The following PPT1 variants were observed in gnomAD, a reference collection of about 807,000 sequenced individuals.
The protein encoded by PPT1 is palmitoyl-protein thioesterase 1.
Under a neutral mutation model 44.0 loss-of-function variants are expected in PPT1, and 24 were observed. That is an observed-to-expected ratio of 0.54 (90% CI 0.39 to 0.77). The LOEUF (loss-of-function observed/expected upper bound fraction) is 0.77. Among genes scored for constraint, PPT1 ranks in the 30% least tolerant of loss-of-function variants. The pLI, the probability that PPT1 is intolerant of heterozygous loss-of-function variation, is 0.00. For synonymous variants in PPT1, 148 were observed against 140.2 expected, an observed-to-expected ratio of 1.06 and a Z score of -0.39; for missense variants, 341 against 378.8, an observed-to-expected ratio of 0.90 and a Z score of 0.83.
Position 40,073,943 on chromosome 1 carries a change from A to T in PPT1, c.*118T>A. 7.5e-7 allele frequency: 1 copy of T among 1,340,164 alleles called. No homozygotes were observed. Among genetic ancestry groups the T allele is most frequent in the Non-Finnish European group, 1.1e-6 (1 of 942,702 alleles). The allele number at this position is 1,340,164 out of a possible 1,614,324, so 83.0% of individuals were successfully genotyped here. On this transcript the variant is annotated 3_prime_UTR_variant, in exon 9 of 9. Coordinates refer to ENST00000642050, the MANE Select transcript of PPT1 (RefSeq NM_000310.4). ...CTTTCCAAGTAGGGCATGTTAGATG[A>T]TAGAAGGATTAGTTGCAAGCTGGAT...
chr1:40,088,841 G>A (rs1226656905), intron 5 of PPT1, among the ~76,000 whole-genome samples: 1 of 152,060 alleles, frequency 6.6e-6, no homozygotes, highest in African/African-American at 2.4e-5. Context: ...AAGGCTTTCT[G>A]TTTGTTTTTT....
At chr1:40,088,445 C>G (rs1029081951) in intron 5 of PPT1, among the ~76,000 whole-genome samples, 3 of 152,006 alleles carry the variant, frequency 2.0e-5, no homozygotes, top group Admixed American at 6.6e-5. Context: ...ATGCCCGGCC[C>G]ACAACTTCTA....
At chr1:40,096,277 T>G (rs1049296692) in intron 1 of PPT1, among the ~76,000 whole-genome samples, 2 of 152,244 alleles carry the variant, frequency 1.3e-5, no homozygotes, top group Non-Finnish European at 2.9e-5. Flanking sequence ...ATGTTTTACT[T>G]GTTAATTTCT....
chr1:40,079,231 A>T (rs538849987), intron 6 of PPT1, among the ~76,000 whole-genome samples: 2 of 151,960 alleles, frequency 1.3e-5, no homozygotes, highest in Non-Finnish European at 2.9e-5. Context: ...CATTTTCTCT[A>T]TCCAGTCTAC....
chr1:40,082,099 G>C (rs1388583191), intron 5 of PPT1: 1 of 152,200 alleles, frequency 6.6e-6, no homozygotes, highest in Admixed American at 6.6e-5. Context: ...AATGGGCACG[G>C]TTACCCCAAG....
downstream of PPT1, chr1:40,071,482 C>T: frequency 6.2e-7 from 1 of 1,613,694 alleles, no homozygotes; most frequent in Non-Finnish European, 8.5e-7. Context: ...AGTTCAAGAC[C>T]CTATGGAACG....
chr1:40,075,684 C>T (rs1648580210), intron 8 of PPT1, among the ~76,000 whole-genome samples: 1 of 151,870 alleles, frequency 6.6e-6, no homozygotes, highest in Admixed American at 6.6e-5. Context: ...ATCCTTAGGG[C>T]TGGGCGTGGT....
In PPT1 at chr1:40,073,778, T is replaced by G. The variant is rs537994138; in HGVS notation, c.*283A>C. The G allele has an allele frequency of 4.6e-6, 2 of 435,808 alleles. No homozygotes were observed. The highest frequency in any genetic ancestry group is 3.5e-5 in the Admixed American group (1 of 28,470). The allele number at this position is 435,808 out of a possible 1,614,324, so 27.0% of individuals were successfully genotyped here. ...TTGGGCCTGGGCACAGTTCTGGCAC[T>G]GATCTGGAACAGACTCCCTTTTCTA... On this transcript the variant is annotated 3_prime_UTR_variant, in exon 9 of 9. Transcript: ENST00000642050.
chr1:40,093,903 A>G (rs1209336885), intron 1 of PPT1: 1 of 622,964 alleles, frequency 1.6e-6, no homozygotes, highest in South Asian at 1.9e-5. Flanking sequence ...AAAAAAAAAA[A>G]ATCCATATAG....
chr1:40,092,804 C>G (rs1475278150), intron 1 of PPT1, among the ~76,000 whole-genome samples: 2 of 73,738 alleles, frequency 2.7e-5, no homozygotes, highest in Non-Finnish European at 6.3e-5. Flanking sequence ...GAAATGCAAA[C>G]CAAAACCACG....
chr1:40,075,477 C>CTTTTTTTTTTTT (rs5773686), intron 8 of PPT1, among the ~76,000 whole-genome samples: 1 of 144,702 alleles, frequency 6.9e-6, no homozygotes. Context: ...TTTCTCAAGC[C>CTTTTTTTTTTTT]TTTTTTTTTT....
Position 40,073,493 on chromosome 1 carries a change from TG to T in PPT1, c.*567del, listed in dbSNP as rs1224284790. 1 of 156,830 alleles carries T rather than the reference TG, an allele frequency of 6.4e-6. No homozygotes were observed. Among genetic ancestry groups the T allele is most frequent in the Non-Finnish European group, 1.4e-5 (1 of 70,894 alleles). 9.7% of individuals were successfully genotyped at this position (156,830 alleles called of 1,614,324 possible). A position where few individuals can be genotyped will look rare whatever the true frequency, so the allele number is the denominator to read the frequency against. On this transcript the variant is annotated 3_prime_UTR_variant, in exon 9 of 9. Transcript: ENST00000642050. ...AAAGTGGGTGCTGCAGAAGCAAGAC[TG>T]TAGGCCAGTGGGATTTGTCTAATAA...
rs1355083951 is a variant in PPT1, at chr1:40,089,526, T to C, written c.434-14A>G. 3 of 1,581,506 alleles carry C rather than the reference T, an allele frequency of 1.9e-6. No homozygotes were observed. Among genetic ancestry groups the C allele is most frequent in the Non-Finnish European group, 2.6e-6 (3 of 1,150,388 alleles). Reference sequence around the variant, plus strand: ...GTCCAAAAACACCTACAGTGGTAGATGACAAATATCCACTCCTTCAATAAT... The same window carrying C: ...GTCCAAAAACACCTACAGTGGTAGACGACAAATATCCACTCCTTCAATAAT... On this transcript the variant is annotated splice_polypyrimidine_tract_variant and intron_variant, in intron 4 of 8. Transcript: ENST00000642050.
At chr1:40,084,366 A>C (rs984441457) in intron 5 of PPT1, among the ~76,000 whole-genome samples, 6 of 152,218 alleles carry the variant, frequency 3.9e-5, no homozygotes, top group Admixed American at 1.3e-4. Flanking sequence ...ACGACAACAA[A>C]GGATTTAGAA....
At chr1:40,091,006 C>G in intron 4 of PPT1, among the ~76,000 whole-genome samples, 1 of 152,198 alleles carries the variant, frequency 6.6e-6, no homozygotes, top group East Asian at 1.9e-4. Flanking sequence ...AGGATACCAC[C>G]AAATCAGAGA....
chr1:40,081,728 T>C (rs1196290629), intron 5 of PPT1, among the ~76,000 whole-genome samples: 1 of 152,120 alleles, frequency 6.6e-6, no homozygotes, highest in African/African-American at 2.4e-5. Context: ...GTCTCGGGTA[T>C]GTCTTTATCG....
At chr1:40,087,792 A>G (rs975112612) in intron 5 of PPT1, among the ~76,000 whole-genome samples, 1 of 152,114 alleles carries the variant, frequency 6.6e-6, no homozygotes, top group Non-Finnish European at 1.5e-5. Flanking sequence ...AGCCACAGCC[A>G]ATCAAACCAG....
At position 40,076,834 on chromosome 1, in the gene PPT1, C is replaced by A; in HGVS notation, c.798+8G>T. 6.2e-7 allele frequency: 1 copy of A among 1,614,074 alleles called. No homozygotes were observed. The highest frequency in any genetic ancestry group is 8.5e-7 in the Non-Finnish European group (1 of 1,179,960). On this transcript the variant is annotated splice_region_variant and intron_variant, in intron 8 of 8. Transcript: ENST00000642050. ...CCAACCTCCCAAGATAGACTCCCTGCCAGTTACCTGTGTGTACAGGGAGGT... is the reference window on the plus strand; with the variant it reads ...CCAACCTCCCAAGATAGACTCCCTGACAGTTACCTGTGTGTACAGGGAGGT...
downstream of PPT1, chr1:40,072,251 G>GAAA (rs1648178560): frequency 4.1e-6 from 1 of 241,108 alleles, no homozygotes; most frequent in African/African-American, 6.7e-5. Context: ...GACTTTAAAA[G>GAAA]GAAAAAAAAA....
Sources: gnomAD v4.1 joint callset for allele counts (sites outside exome capture counted in the v4.1 genomes callset) on GRCh38, gnomAD v4.1.1 for gene constraint, MANE v1.5 for transcripts, NCBI Gene and HGNC (gene_info 2026-07-23, HGNC 2026-07-21) for gene names.